The following CALN1 variants were observed in gnomAD, a reference collection of about 807,000 sequenced individuals.
CALN1 encodes calcium-binding protein 8.
In CALN1, 17 loss-of-function variants were observed where a neutral mutation model predicts 30.6. The ratio of observed to expected loss-of-function variants is 0.56; its 90% CI spans 0.38 to 0.83. The LOEUF is 0.83. Among genes scored for constraint, CALN1 ranks in the 40% least tolerant of loss-of-function variants. The pLI is 0.00. For missense variants in CALN1, 291 were observed against 354.9 expected (o/e 0.82, Z 1.45); for synonymous variants, 156 against 131.4 (o/e 1.19, Z -1.28).
At chr7:72,206,525 C>G (rs368396977) in intron 3 of CALN1, among the ~76,000 whole-genome samples, 2 of 152,240 alleles carry the variant, frequency 1.3e-5, no homozygotes, top group South Asian at 2.1e-4. Context: ...TCATCTTAGT[C>G]AGTGCCTTAT....
In CALN1 at chr7:71,847,323, G is replaced by C. The variant is rs1790322230; in HGVS notation, c.502-36831C>G. Among the ~76,000 whole-genome samples the C allele has an allele frequency of 2.0e-5, 3 of 152,004 alleles. No homozygotes were observed. In the South Asian group the frequency reaches 6.2e-4, roughly 31 times the overall value. On this transcript the variant is annotated intron_variant, in intron 5 of 6. Transcript: ENST00000395275. ...TGGTTTCCCCACAATTCTTGTGGTAGTGAATAAGTCTCATGAGACCTGATG... is the reference window on the plus strand; with the variant it reads ...TGGTTTCCCCACAATTCTTGTGGTACTGAATAAGTCTCATGAGACCTGATG...
intron 3 of CALN1, among the ~76,000 whole-genome samples, chr7:72,184,901 C>A (rs75938420): frequency 0.25 from 38,075 of 151,834 alleles, 5,971 homozygotes; most frequent in East Asian, 0.68. Flanking sequence ...CAAGTGATCC[C>A]CCATCTCAGC....
intron 5 of CALN1, among the ~76,000 whole-genome samples, chr7:71,854,178 C>T (rs976227847): frequency 1.3e-5 from 2 of 151,940 alleles, no homozygotes; most frequent in African/African-American, 4.8e-5. Context: ...CACCCCAAAC[C>T]ATTGACAGTG....
At chr7:72,394,410 T>C (rs149055542) in intron 2 of CALN1, among the ~76,000 whole-genome samples, 261 of 152,328 alleles carry the variant, frequency 1.7e-3, no homozygotes, top group Middle Eastern at 6.8e-3. Flanking sequence ...TAAGGATAAA[T>C]GTTGCTCATA....
intron 1 of CALN1, among the ~76,000 whole-genome samples, chr7:72,405,217 A>T (rs1422242032): frequency 6.6e-6 from 1 of 152,178 alleles, no homozygotes; most frequent in African/African-American, 2.4e-5. Context: ...TCAAAGCAAG[A>T]AGTCACATCT....
intron 5 of CALN1, among the ~76,000 whole-genome samples, chr7:71,881,800 C>G (rs1792583930): frequency 6.6e-6 from 1 of 151,936 alleles, no homozygotes; most frequent in African/African-American, 2.4e-5. Context: ...TAGCTGAGCA[C>G]AGTGGCTCAT....
chr7:71,812,079 C>T (rs893720882), intron 5 of CALN1, among the ~76,000 whole-genome samples: 2 of 152,188 alleles, frequency 1.3e-5, no homozygotes, highest in Non-Finnish European at 2.9e-5. Flanking sequence ...AACATTTGTT[C>T]TTTCCCTCTG....
At chr7:71,996,463 A>G (rs991986168) in intron 5 of CALN1, among the ~76,000 whole-genome samples, 15 of 152,206 alleles carry the variant, frequency 9.9e-5, no homozygotes, top group East Asian at 1.9e-4. Context: ...GCTCCCACCT[A>G]TAAGTGAGAA....
chr7:72,300,411 A>G (rs1019293307), intron 2 of CALN1, among the ~76,000 whole-genome samples: 4 of 151,956 alleles, frequency 2.6e-5, no homozygotes, highest in African/African-American at 7.3e-5. Flanking sequence ...TTAATGAACA[A>G]CAACAACAAA....
Position 72,369,906 on chromosome 7 carries a change from CATAA to C in CALN1, c.119+33341_119+33344del, listed in dbSNP as rs551318647. On this transcript the variant is annotated intron_variant, in intron 2 of 6. Coordinates refer to ENST00000395275, the MANE Select transcript of CALN1 (RefSeq NM_031468.4). ...TAACATGCTTTCAGTTTCTCACTATCATAAATAAAGCTGCAATTAGTAGTCATGT... is the reference window on the plus strand; with the variant it reads ...TAACATGCTTTCAGTTTCTCACTATCATAAAGCTGCAATTAGTAGTCATGT... Among the ~76,000 whole-genome samples the C allele has an allele frequency of 7.9e-5, 12 of 152,280 alleles. No homozygotes were observed. In the East Asian group the frequency reaches 2.3e-3, roughly 29 times the overall value.
At chr7:72,401,519 C>CAGA (rs529879097) in intron 2 of CALN1, among the ~76,000 whole-genome samples, 1 of 152,134 alleles carries the variant, frequency 6.6e-6, no homozygotes, top group African/African-American at 2.4e-5. Context: ...TGCAACAAGC[C>CAGA]AGAAGGTGTA....
chr7:72,072,277 A>G (rs1337068033), intron 4 of CALN1, among the ~76,000 whole-genome samples: 1 of 152,210 alleles, frequency 6.6e-6, no homozygotes, highest in Non-Finnish European at 1.5e-5. Flanking sequence ...AGAGAGAAGC[A>G]TATTTCCACA....
chr7:72,238,923 G>C (rs1281182371), intron 3 of CALN1, among the ~76,000 whole-genome samples: 1 of 152,162 alleles, frequency 6.6e-6, no homozygotes, highest in East Asian at 1.9e-4. Context: ...CAGAGACCCA[G>C]ACCTCTCATG....
intron 5 of CALN1, among the ~76,000 whole-genome samples, chr7:71,933,757 GTAAGT>G (rs1407225046): frequency 6.6e-6 from 1 of 152,174 alleles, no homozygotes; most frequent in Non-Finnish European, 1.5e-5. Context: ...CAGTGAGAAT[GTAAGT>G]TATTTTATGC....
rs139473108 is a variant in CALN1 at position 72,397,192 on chromosome 7, T to C, written c.119+6059A>G. Among the ~76,000 whole-genome samples the C allele has an allele frequency of 1.2e-4, 18 of 152,276 alleles. No individual in the cohort carries two copies. In the East Asian group the frequency reaches 3.5e-3, roughly 29 times the overall value. On this transcript the variant is annotated intron_variant, in intron 2 of 6. Coordinates refer to ENST00000395275, the MANE Select transcript of CALN1 (RefSeq NM_031468.4). Reference sequence around the variant, plus strand: ...ATCCAAAGTGCTGGGATTACAATCATAAGCCATCATACTCAACCCATGTAG... The same window carrying C: ...ATCCAAAGTGCTGGGATTACAATCACAAGCCATCATACTCAACCCATGTAG...
intron 3 of CALN1, among the ~76,000 whole-genome samples, chr7:72,269,107 G>C (rs1221919319): frequency 7.2e-5 from 11 of 152,200 alleles, no homozygotes; most frequent in Admixed American, 6.5e-4. Context: ...TAGGACAGGA[G>C]AGAGAAGAAC....
At chr7:72,453,267 G>A in the CALN1 span, among the ~76,000 whole-genome samples, 2,905 of 152,336 alleles carry the variant, frequency 0.019, 63 homozygotes, top group African/African-American at 0.052. Flanking sequence ...TTATAGCTCC[G>A]TGACTGCTCC....
chr7:71,940,313 T>C (rs1275521033), intron 5 of CALN1, among the ~76,000 whole-genome samples: 1 of 152,228 alleles, frequency 6.6e-6, no homozygotes, highest in South Asian at 2.1e-4. Context: ...TCTTCTGGGA[T>C]GGAGCCCTTC....
chr7:72,451,321 C>G (rs911033646), upstream of CALN1, among the ~76,000 whole-genome samples: 3 of 128,084 alleles, frequency 2.3e-5, no homozygotes, highest in African/African-American at 9.1e-5. Context: ...GGAGGAGGAG[C>G]AGGAGAAAGA....
Sources: gnomAD v4.1 joint callset for allele counts (sites outside exome capture counted in the v4.1 genomes callset) on GRCh38, gnomAD v4.1.1 for gene constraint, MANE v1.5 for transcripts, NCBI Gene and HGNC (gene_info 2026-07-23, HGNC 2026-07-21) for gene names.